Variants in GALNTL6 observed in about 807,000 individuals in gnomAD.
GALNTL6 encodes the protein polypeptide N-acetylgalactosaminyltransferase like 6.
Under a neutral mutation model 73.7 loss-of-function variants are expected in GALNTL6, and 46 were observed. That is an observed-to-expected ratio of 0.62 (90% CI 0.49 to 0.80). The LOEUF (loss-of-function observed/expected upper bound fraction) is 0.80. Among genes scored for constraint, GALNTL6 ranks in the 30% least tolerant of loss-of-function variants. GALNTL6 has a pLI of 0.00. For synonymous variants in GALNTL6, 259 were observed against 263.7 expected (o/e 0.98, Z 0.17); for missense variants, 604 against 755.0 (o/e 0.80, Z 2.34).
At chr4:172,960,020 A>G (rs1749959998) in intron 10 of GALNTL6, among the ~76,000 whole-genome samples, 1 of 152,214 alleles carries the variant, frequency 6.6e-6, no homozygotes, top group African/African-American at 2.4e-5. Context: ...GGTGAGGTTA[A>G]TTAAGTCCTG....
chr4:172,046,353 G>T (rs1039399921), intron 2 of GALNTL6, among the ~76,000 whole-genome samples: 1 of 152,002 alleles, frequency 6.6e-6, no homozygotes, highest in Non-Finnish European at 1.5e-5. Flanking sequence ...TGTGCACAAC[G>T]TACAGGTTTG....
intron 7 of GALNTL6, among the ~76,000 whole-genome samples, chr4:172,854,223 A>G (rs1744000318): frequency 1.3e-5 from 2 of 152,062 alleles, no homozygotes; most frequent in Admixed American, 6.6e-5. Context: ...ACTTTGGCCC[A>G]TATCCTACTC....
At chr4:172,321,044 A>G (rs2111163785) in intron 4 of GALNTL6, among the ~76,000 whole-genome samples, 1 of 152,342 alleles carries the variant, frequency 6.6e-6, no homozygotes, top group South Asian at 2.1e-4. Flanking sequence ...CCATATTAAC[A>G]TAATTTTTGA....
chr4:171,886,650 G>T (rs553258927), intron 2 of GALNTL6, among the ~76,000 whole-genome samples: 22 of 152,124 alleles, frequency 1.4e-4, no homozygotes, highest in African/African-American at 5.3e-4. Flanking sequence ...TGAAGGACAC[G>T]TGTCATATGG....
At chr4:172,937,200 G>C (rs560753186) in intron 9 of GALNTL6, among the ~76,000 whole-genome samples, 1 of 151,994 alleles carries the variant, frequency 6.6e-6, no homozygotes, top group Non-Finnish European at 1.5e-5. Flanking sequence ...AGGTAAAATA[G>C]AAAGGTCAAC....
At chr4:172,737,266 A>G (rs969771342) in intron 5 of GALNTL6, among the ~76,000 whole-genome samples, 5 of 151,990 alleles carry the variant, frequency 3.3e-5, no homozygotes, top group African/African-American at 4.8e-5. Context: ...CTTTTGAAAT[A>G]ATTTTCTATG....
At chr4:171,914,756 T>G (rs1737568353) in intron 2 of GALNTL6, among the ~76,000 whole-genome samples, 1 of 143,544 alleles carries the variant, frequency 7.0e-6, no homozygotes, top group East Asian at 2.0e-4. Context: ...ACTTAATATA[T>G]TAACTTCCAG....
chr4:172,838,711 C>T (rs1003851234), intron 7 of GALNTL6, among the ~76,000 whole-genome samples: 1 of 152,154 alleles, frequency 6.6e-6, no homozygotes, highest in African/African-American at 2.4e-5. Flanking sequence ...TTCACCCCTC[C>T]CTACTTACAA....
chr4:172,811,920 G>A (rs1480783276), intron 6 of GALNTL6, among the ~76,000 whole-genome samples: 1 of 152,042 alleles, frequency 6.6e-6, no homozygotes, highest in African/African-American at 2.4e-5. Context: ...ATTCATCATG[G>A]TATCCCCAGA....
At chr4:172,598,565 C>T (rs557213003) in intron 5 of GALNTL6, among the ~76,000 whole-genome samples, 1 of 151,976 alleles carries the variant, frequency 6.6e-6, no homozygotes, top group Non-Finnish European at 1.5e-5. Context: ...ACAAATAAAC[C>T]CTCTCCCTCC....
At chr4:172,394,428 C>CTTTT (rs201130774) in intron 5 of GALNTL6, among the ~76,000 whole-genome samples, 51 of 120,118 alleles carry the variant, frequency 4.2e-4, no homozygotes, top group African/African-American at 1.2e-3. Flanking sequence ...TCTTCTTCTT[C>CTTTT]TTTTTTTTTT....
intron 5 of GALNTL6, among the ~76,000 whole-genome samples, chr4:172,681,788 C>T (rs1732645119): frequency 6.6e-6 from 1 of 152,144 alleles, no homozygotes. Context: ...TGCTCTTTCC[C>T]TTCAGCCACA....
At chr4:171,952,068 GTAAC>G (rs1738901128) in intron 2 of GALNTL6, among the ~76,000 whole-genome samples, 1 of 151,980 alleles carries the variant, frequency 6.6e-6, no homozygotes, top group African/African-American at 2.4e-5. Context: ...TTGAAATAAA[GTAAC>G]TAATTTAAAG....
At chr4:171,947,734 G>A (rs993320853) in intron 2 of GALNTL6, among the ~76,000 whole-genome samples, 1 of 152,066 alleles carries the variant, frequency 6.6e-6, no homozygotes, top group Non-Finnish European at 1.5e-5. Flanking sequence ...GGAAACAGGG[G>A]TGGAGGAAAA....
chr4:172,199,751 T>C (rs1286496900), intron 2 of GALNTL6, among the ~76,000 whole-genome samples: 2 of 151,814 alleles, frequency 1.3e-5, no homozygotes, highest in Non-Finnish European at 2.9e-5. Context: ...TTTTTTGTTG[T>C]TGTTGTTGTT....
At chr4:172,316,891 A>T (rs1399229371) in intron 4 of GALNTL6, among the ~76,000 whole-genome samples, 1 of 152,156 alleles carries the variant, frequency 6.6e-6, no homozygotes, top group Non-Finnish European at 1.5e-5. Flanking sequence ...GAATAAGATG[A>T]CTGATCTCCG....
At chr4:172,637,127 A>G (rs1383166191) in intron 5 of GALNTL6, among the ~76,000 whole-genome samples, 4 of 152,168 alleles carry the variant, frequency 2.6e-5, no homozygotes, top group African/African-American at 7.2e-5. Flanking sequence ...TTAATCAATT[A>G]CTAATTCAGA....
In GALNTL6 at chr4:172,141,182, A is replaced by G. The variant is rs189094665; in HGVS notation, c.139-88474A>G. On this transcript the variant is annotated intron_variant, in intron 2 of 12. Transcript: ENST00000506823. ...GGAAATCCTAGAGAGAGAGCAGAAA[A>G]GCTTTTTCAGTGTGCTGGATAGTAA... 3.2e-4 allele frequency among the ~76,000 whole-genome samples: 48 copies of G among 152,168 alleles called. No individual in the cohort carries two copies. In the East Asian group the frequency reaches 8.7e-3, roughly 28 times the overall value.
intron 7 of GALNTL6, among the ~76,000 whole-genome samples, chr4:172,867,339 A>G (rs1744711239): frequency 6.6e-6 from 1 of 152,154 alleles, no homozygotes; most frequent in Admixed American, 6.6e-5. Flanking sequence ...AGCTTAGTAG[A>G]TGCTAAGTAG....
Sources: allele counts gnomAD v4.1 joint callset (sites outside exome capture counted in the v4.1 genomes callset), GRCh38; gene constraint gnomAD v4.1.1; transcripts MANE v1.5; gene names NCBI Gene and HGNC (gene_info 2026-07-23, HGNC 2026-07-21).